GAK: variants seen among roughly 807,000 people sequenced by gnomAD.
The protein encoded by GAK is cyclin G associated kinase.
In GAK, 79 loss-of-function variants were observed where a neutral mutation model predicts 143.9. The observed-to-expected ratio is 0.55, with a 90% CI of 0.46 to 0.66. The LOEUF is 0.66. Ranked by LOEUF, GAK falls within the 30% of genes least tolerant of loss-of-function variation. GAK has a pLI of 0.00. For synonymous variants in GAK, 881 were observed against 765.5 expected (o/e 1.15, Z -2.49); for missense variants, 1,693 against 1,779.7 (o/e 0.95, Z 0.88).
intron 26 of GAK, 54 bp from the exon 27 acceptor site, chr4:850,122 C>T (rs1747855927): frequency 1.3e-6 from 2 of 1,485,272 alleles, no homozygotes; most frequent in African/African-American, 2.8e-5. Context: ...CCCTCCTCCT[C>T]TGCACCGCGG....
intron 15 of GAK, among the ~76,000 whole-genome samples, chr4:878,041 A>C (rs556351702): frequency 6.6e-6 from 1 of 152,274 alleles, no homozygotes; most frequent in East Asian, 1.9e-4. Context: ...CTAGTTGAAG[A>C]TATTTTTAAA....
intron 1 of GAK, among the ~76,000 whole-genome samples, chr4:922,901 GA>G (rs1724130013): frequency 6.6e-6 from 1 of 152,224 alleles, no homozygotes; most frequent in Non-Finnish European, 1.5e-5. Context: ...AAACAGCCCA[GA>G]TGTCCTTCCA....
chr4:852,858 T>C (rs1748416401), intron 24 of GAK: 1 of 152,314 alleles, frequency 6.6e-6, no homozygotes, highest in Non-Finnish European at 1.5e-5. Context: ...AGAGAAGCAC[T>C]GAGCCCGGGC....
At chr4:855,405 A>G (rs761177412) in intron 24 of GAK, among the ~76,000 whole-genome samples, 14 of 152,290 alleles carry the variant, frequency 9.2e-5, no homozygotes, top group Admixed American at 7.8e-4. Context: ...TTGCAAGTAA[A>G]CAGAAATAGG....
Position 890,596 on chromosome 4 carries a change from C to T in GAK, c.1017G>A (p.Gly339=), listed in dbSNP as rs748720413. ...TELLEQNGGY[G]SATLSRGPPP... Reference sequence around the variant, plus strand: ...GTGGCCCTCGGGACAGTGTGGCGCTCCCGTAGCCTCCATTCTGCTCCAGGA... The same window carrying T: ...GTGGCCCTCGGGACAGTGTGGCGCTTCCGTAGCCTCCATTCTGCTCCAGGA... Residue 339 remains glycine (G), a synonymous_variant, in exon 10 of 28, where the codon GGG becomes GGA. Transcript: ENST00000314167. 1.2e-6 allele frequency: 2 copies of T among 1,611,478 alleles called. No homozygotes were observed. The highest frequency in any genetic ancestry group is 4.5e-5 in the East Asian group (2 of 44,814).
At chr4:926,575 C>G (rs1041326869) in intron 1 of GAK, among the ~76,000 whole-genome samples, 24 of 152,208 alleles carry the variant, frequency 1.6e-4, no homozygotes, top group African/African-American at 5.3e-4. Context: ...TAAAGTACTA[C>G]TGACCATGCT....
rs748469869 is a variant in GAK, at chr4:849,622, C to T, written c.*51G>A. 27 of 1,461,038 alleles carry T rather than the reference C, an allele frequency of 1.8e-5. No homozygotes were observed. Among genetic ancestry groups the T allele is most frequent in the Non-Finnish European group, 2.4e-5 (25 of 1,053,860 alleles). The allele number at this position is 1,461,038 out of a possible 1,614,324, so 90.5% of individuals were successfully genotyped here. A position where few individuals can be genotyped will look rare whatever the true frequency, so the allele number is the denominator to read the frequency against. On this transcript the variant is annotated 3_prime_UTR_variant, in exon 28 of 28. Transcript: ENST00000314167. ...CCTCACGGTGGGGACCCAGGTCCCA[C>T]GACGGCTCCCAACCTGTGGAGCTGT...
At chr4:893,725 A>C (rs1718140215) in intron 8 of GAK, 149 bp downstream of exon 8, 2 of 860,208 alleles carry the variant, frequency 2.3e-6, no homozygotes, top group Non-Finnish European at 3.3e-6. Context: ...CTCTCTGGAA[A>C]CCCCCCCCCC....
At chr4:890,736 CTA>C (rs1257456148) in intron 9 of GAK, 114 bp from the exon 10 acceptor site, 11 of 799,158 alleles carry the variant, frequency 1.4e-5, no homozygotes, top group Admixed American at 4.5e-5. Flanking sequence ...GCCCCCTGAT[CTA>C]TGACACAGTG....
In GAK at chr4:913,668, C is replaced by A; in HGVS notation, c.146G>T (p.Gly49Val). ...AGCTTCATACACAAATGCAAACCCT[C>A]CTGAAAATTAAAAAGACTTGTCAGT... ...RLRVRRVLAE[G>V]GFAFVYEAQD... is the part of the protein sequence containing the mutation. The change falls in exon 2 of 28, where the codon GGA becomes GTA. Residue 49 changes from glycine (G) to valine (V), a missense_variant and splice_region_variant. Physicochemically the swap from Gly to Val is moderately radical, Grantham distance 109. Around this residue, in one of 2 missense-constraint regions of GAK, gnomAD observed 871 missense variants for 991.0 expected, o/e 0.88. Transcript: ENST00000314167. 1 of 1,612,552 alleles carries A rather than the reference C, an allele frequency of 6.2e-7. No individual in the cohort carries two copies. Among genetic ancestry groups the A allele is most frequent in the South Asian group, 1.1e-5 (1 of 91,050 alleles).
intron 24 of GAK, chr4:852,928 GGGCCGCGCCACT>G (rs1394476924): frequency 6.6e-6 from 1 of 152,248 alleles, no homozygotes; most frequent in Admixed American, 6.5e-5. Flanking sequence ...TGTGAGTGCG[GGGCCGCGCCACT>G]GACCGCACCA....
chr4:883,426 G>C lies in GAK; in HGVS notation c.1293C>G (p.Leu431=). The C allele has an allele frequency of 6.2e-7, 1 of 1,613,792 alleles. No homozygotes were observed. Among genetic ancestry groups the C allele is most frequent in the Non-Finnish European group, 8.5e-7 (1 of 1,180,008 alleles). Residue 431 remains leucine, a synonymous_variant, in exon 13 of 28, where the codon CTC becomes CTG. Coordinates refer to ENST00000314167, the MANE Select transcript of GAK (RefSeq NM_005255.4). ...SFPAEGVESA[L]KNNIEDVRLF... is the part of the protein sequence containing the mutation. ...ACCGCACATCTTCGATGTTGTTTTT[G>C]AGCGCTGACTCCACACCTTCTGCTG...
At chr4:887,546 C>T (rs1359120248) in intron 11 of GAK, 4 of 151,402 alleles carry the variant, frequency 2.6e-5, no homozygotes, top group Non-Finnish European at 5.9e-5. Context: ...TACACATGCA[C>T]GCAGCTCACG....
intron 18 of GAK, among the ~76,000 whole-genome samples, chr4:875,979 C>T (rs956324098): frequency 6.6e-6 from 1 of 152,206 alleles, no homozygotes; most frequent in Non-Finnish European, 1.5e-5. Context: ...TCAGGACGCC[C>T]GGGTGTGAGA....
In GAK at chr4:876,622, C is replaced by T; in HGVS notation, c.1975-13G>A. On this transcript the variant is annotated splice_polypyrimidine_tract_variant and intron_variant, in intron 17 of 27. Transcript: ENST00000314167. ...TCATGGATGCCATCTGCAAAGAGAG[C>T]AAACACGACACCCCACGTGGAGGGT... 1 of 1,611,594 alleles carries T rather than the reference C, an allele frequency of 6.2e-7. No homozygotes were observed. The highest frequency in any genetic ancestry group is 8.5e-7 in the Non-Finnish European group (1 of 1,177,762).
In GAK at chr4:870,796, T is replaced by C. The variant is rs750755457; in HGVS notation, c.2163A>G (p.Pro721=). ...PRDRPSREAP[P]WENSSMRGLN... ...GCCCCCTCATGCTCGAGTTCTCCCATGGTGGGGCTTCCCGGCTCGGCCTGT... is the reference window on the plus strand; with the variant it reads ...GCCCCCTCATGCTCGAGTTCTCCCACGGTGGGGCTTCCCGGCTCGGCCTGT... The change falls in exon 19 of 28, where the codon CCA becomes CCG. Residue 721 remains proline, a synonymous_variant. Transcript: ENST00000314167. 1.5e-5 allele frequency: 25 copies of C among 1,614,034 alleles called. No individual in the cohort carries two copies. Among genetic ancestry groups the C allele is most frequent in the Non-Finnish European group, 2.0e-5 (24 of 1,180,026 alleles).
intron 11 of GAK, 54 bp from the exon 12 acceptor site, chr4:884,140 G>A (rs1031654689): frequency 2.0e-6 from 3 of 1,519,098 alleles, no homozygotes; most frequent in Non-Finnish European, 2.7e-6. Flanking sequence ...CCGCAGTTAG[G>A]TCACAGGGCT....
Position 851,744 on chromosome 4 carries a change from A to C in GAK, c.3508+6T>G. On this transcript the variant is annotated splice_donor_region_variant and intron_variant, in intron 25 of 27. Coordinates refer to ENST00000314167, the MANE Select transcript of GAK (RefSeq NM_005255.4). The stretch of plus-strand genomic sequence containing the variant: ...ACTCCACAGCAACAGAGAGTGGGGG[A>C]CTCACCAAAGCTGGGTGCGCGGACC... 6.2e-7 allele frequency: 1 copy of C among 1,612,172 alleles called. No individual in the cohort carries two copies. The highest frequency in any genetic ancestry group is 8.5e-7 in the Non-Finnish European group (1 of 1,179,224).
chr4:896,398 CGCCTCAGGTTAAGTAGGGCGCACGGA>C, intron 7 of GAK, 36 bp downstream of exon 7: 1 of 1,365,776 alleles, frequency 7.3e-7, no homozygotes, highest in Non-Finnish European at 1.0e-6. Flanking sequence ...CGGCCCACGC[CGCCTCAGGTTAAGTAGGGCGCACGGA>C]GCCAGGCACT....
Sources: gnomAD v4.1 joint callset for allele counts (sites outside exome capture counted in the v4.1 genomes callset) on GRCh38, gnomAD v4.1.1 for gene constraint, gnomAD v4.1.1 regional missense constraint, MANE v1.5 for transcripts, NCBI Gene and HGNC (gene_info 2026-07-23, HGNC 2026-07-21) for gene names.